SEC14L1: variants seen among roughly 807,000 people sequenced by gnomAD.
SEC14L1 encodes SEC14-like protein 1.
In SEC14L1, 48 loss-of-function variants were observed where a neutral mutation model predicts 85.3. The observed-to-expected ratio is 0.56, with a 90% CI of 0.45 to 0.72. The LOEUF is 0.72. SEC14L1 is among the 30% of genes least tolerant of loss of function. The pLI, the probability that SEC14L1 is intolerant of heterozygous loss-of-function variation, is 0.00. For missense variants in SEC14L1, 682 were observed against 921.4 expected (o/e 0.74, Z 3.36); for synonymous variants, 391 against 355.5 (o/e 1.10, Z -1.12).
intron 8 of SEC14L1, among the ~76,000 whole-genome samples, chr17:77,198,152 T>C (rs992971437): frequency 1.3e-5 from 2 of 152,218 alleles, no homozygotes; most frequent in Non-Finnish European, 2.9e-5. Flanking sequence ...AAATTCTAAT[T>C]AGATTGGCAT....
At chr17:77,187,808 A>C (rs1028963514) in intron 3 of SEC14L1, among the ~76,000 whole-genome samples, 1 of 149,602 alleles carries the variant, frequency 6.7e-6, no homozygotes, top group Non-Finnish European at 1.5e-5. Context: ...GCAGTGGTGC[A>C]ATCACAGGTC....
At chr17:77,139,660 G>A (rs1271233335), upstream of SEC14L1, among the ~76,000 whole-genome samples, 1 of 151,780 alleles carries the variant, frequency 6.6e-6, no homozygotes, top group Non-Finnish European at 1.5e-5. Context: ...ACCACGCCCG[G>A]CTAATCTGTT....
At chr17:77,103,488 C>T (rs1306514916) in intron 3 of SEC14L1, among the ~76,000 whole-genome samples, 2 of 150,452 alleles carry the variant, frequency 1.3e-5, no homozygotes, top group African/African-American at 2.5e-5. Context: ...TCACCCCAGG[C>T]TGGAGGGCAG....
intron 3 of SEC14L1, among the ~76,000 whole-genome samples, chr17:77,111,759 T>C (rs1972053894): frequency 6.6e-6 from 1 of 152,240 alleles, no homozygotes; most frequent in Non-Finnish European, 1.5e-5. Flanking sequence ...TAGGAAGTAA[T>C]TAAGTTGCTT....
chr17:77,149,860 T>G (rs1567895060), intron 3 of SEC14L1, among the ~76,000 whole-genome samples: 1 of 149,862 alleles, frequency 6.7e-6, no homozygotes, highest in African/African-American at 2.5e-5. Context: ...ATTTGTGTTT[T>G]TTTTTTTTTT....
intron 3 of SEC14L1, among the ~76,000 whole-genome samples, chr17:77,179,324 AC>A (rs1974903694): frequency 6.6e-6 from 1 of 152,210 alleles, no homozygotes. Flanking sequence ...ATGCTAAAAT[AC>A]TTGGAAGTGC....
chr17:77,157,893 T>C lies in SEC14L1; in HGVS notation c.63+14234T>C, dbSNP rs139157605. The stretch of plus-strand genomic sequence containing the variant: ...AACAGGCTGTATAAATAGGCTCTTA[T>C]TACATCATGTTTTCATGTGACGGAT... On this transcript the variant is annotated intron_variant, in intron 3 of 16. Transcript: ENST00000436233. Among the ~76,000 whole-genome samples the C allele has an allele frequency of 4.7e-3, 713 of 152,246 alleles. 8 individuals are homozygous for C. Among genetic ancestry groups the C allele is most frequent in the Middle Eastern group, 6.8e-3 (2 of 294 alleles).
At chr17:77,169,808 A>AG (rs1303741244) in intron 3 of SEC14L1, among the ~76,000 whole-genome samples, 1 of 152,114 alleles carries the variant, frequency 6.6e-6, no homozygotes, top group Non-Finnish European at 1.5e-5. Context: ...TGGTGTCGGT[A>AG]GAGGTGGGGA....
intron 3 of SEC14L1, among the ~76,000 whole-genome samples, chr17:77,129,073 C>T (rs1434596168): frequency 1.3e-5 from 2 of 152,002 alleles, no homozygotes; most frequent in Non-Finnish European, 2.9e-5. Flanking sequence ...TAAATATAGA[C>T]GATGTTGCTG....
rs1973701095 is a variant in SEC14L1, at chr17:77,154,220, C to T, written c.63+10561C>T. On this transcript the variant is annotated intron_variant, in intron 3 of 16. Transcript: ENST00000436233. The stretch of plus-strand genomic sequence containing the variant: ...GTGTGGTGGCTCACATCTGTAATCC[C>T]AGTGCTTTGGGAGGCCAAGGCGGGA... 2.6e-5 allele frequency among the ~76,000 whole-genome samples: 4 copies of T among 152,162 alleles called. No homozygotes were observed. The South Asian group carries it at 8.3e-4, about 31-fold the overall frequency.
intron 3 of SEC14L1, among the ~76,000 whole-genome samples, chr17:77,181,443 G>A (rs1057197857): frequency 2.0e-5 from 3 of 152,078 alleles, no homozygotes; most frequent in African/African-American, 4.8e-5. Context: ...ACAGAGTTTC[G>A]CTCTTGTTGT....
intron 3 of SEC14L1, among the ~76,000 whole-genome samples, chr17:77,153,215 C>T (rs1016001054): frequency 4.6e-5 from 7 of 152,150 alleles, no homozygotes; most frequent in African/African-American, 1.4e-4. Context: ...TACAGGCATG[C>T]GCCACCACGC....
intron 14 of SEC14L1, chr17:77,211,177 C>T (rs1226693706): frequency 6.6e-6 from 1 of 152,312 alleles, no homozygotes; most frequent in South Asian, 2.1e-4. Flanking sequence ...AGCAGCCACG[C>T]GCTGAAGGGC....
intron 3 of SEC14L1, among the ~76,000 whole-genome samples, chr17:77,123,998 G>C (rs559090711): frequency 6.6e-6 from 1 of 152,340 alleles, no homozygotes; most frequent in East Asian, 1.9e-4. Flanking sequence ...TTTGGCAGGA[G>C]CCACGTCGAT....
In SEC14L1 at chr17:77,191,276, C is replaced by G; in HGVS notation, c.309C>G (p.Ser103=). The G allele has an allele frequency of 6.2e-7, 1 of 1,614,056 alleles. No individual in the cohort carries two copies. The change falls in exon 5 of 17, where the codon TCC becomes TCG. Residue 103 remains serine, a synonymous_variant. Transcript: ENST00000436233. ...TTGAGGCTTATAATGAAACGTTTTCCAATCGGGTCATCATTAATGAGCATT... is the reference window on the plus strand; with the variant it reads ...TTGAGGCTTATAATGAAACGTTTTCGAATCGGGTCATCATTAATGAGCATT... ...LHIEAYNETF[S]NRVIINEHCC... is the part of the protein sequence containing the mutation.
In SEC14L1 at chr17:77,213,555, A is replaced by G. The variant is rs770238679; in HGVS notation, c.2042+63A>G. 6.4e-7 allele frequency: 1 copy of G among 1,574,696 alleles called. No homozygotes were observed. Among genetic ancestry groups the G allele is most frequent in the South Asian group, 1.1e-5 (1 of 89,922 alleles). On this transcript the variant is annotated intron_variant, in intron 16 of 16. Transcript: ENST00000436233. This position sits in a 1 kb window ranked among gnomAD's most constrained non-coding sequence, Gnocchi z 7.1. Reference sequence around the variant, plus strand: ...CTGGGCATGGTTGGAGGGAGCCTGCAGTCCCACGCCGTGTGCAGGATCAGC... The same window carrying G: ...CTGGGCATGGTTGGAGGGAGCCTGCGGTCCCACGCCGTGTGCAGGATCAGC...
intron 9 of SEC14L1, among the ~76,000 whole-genome samples, chr17:77,202,431 C>T (rs1441323293): frequency 6.6e-6 from 1 of 152,150 alleles, no homozygotes; most frequent in Non-Finnish European, 1.5e-5. Context: ...CCATCCTGGC[C>T]AGCATGGTGA....
chr17:77,196,290 C>T lies in SEC14L1; in HGVS notation c.798C>T (p.Leu266=), dbSNP rs141767734. The change falls in exon 8 of 17, where the codon CTC becomes CTT. Residue 266 remains leucine, a synonymous_variant. Transcript: ENST00000436233. ...ESCLIRLRQW[L]QETHKGKIPK... is the part of the protein sequence containing the mutation. The stretch of plus-strand genomic sequence containing the variant: ...GCCTCATTAGACTTCGCCAGTGGCT[C>T]CAGGAGACCCACAAGGGCAAAGTGA... The T allele has an allele frequency of 2.2e-5, 35 of 1,613,286 alleles. No individual in the cohort carries two copies. Among genetic ancestry groups the T allele is most frequent in the Middle Eastern group, 1.7e-4 (1 of 6,058 alleles).
At chr17:77,162,830 C>CAAAA (rs55856950) in intron 3 of SEC14L1, among the ~76,000 whole-genome samples, 12 of 148,328 alleles carry the variant, frequency 8.1e-5, no homozygotes, top group Admixed American at 4.7e-4. Flanking sequence ...AACTCTGTCT[C>CAAAA]AAAAAAAAAA....
Sources: gnomAD v4.1 joint callset for allele counts (sites outside exome capture counted in the v4.1 genomes callset) on GRCh38, gnomAD v4.1.1 for gene constraint, Gnocchi (gnomAD v3.1) non-coding constraint, MANE v1.5 for transcripts, NCBI Gene and HGNC (gene_info 2026-07-23, HGNC 2026-07-21) for gene names.